The following CAPZA2 variants were observed in gnomAD, a reference collection of about 807,000 sequenced individuals.
CAPZA2 encodes the protein capping actin protein of muscle Z-line subunit alpha 2.
CAPZA2 carries 13 observed loss-of-function variants against 44.0 expected under a neutral mutation model. That is an observed-to-expected ratio of 0.30 (90% CI 0.19 to 0.47). The LOEUF (loss-of-function observed/expected upper bound fraction) is 0.47, where lower values mean the gene tolerates loss of function less well. Among genes scored for constraint, CAPZA2 ranks in the 20% least tolerant of loss-of-function variants. The pLI, the probability that CAPZA2 is intolerant of heterozygous loss-of-function variation, is 1.00. For missense variants in CAPZA2, 244 were observed against 338.6 expected (o/e 0.72, Z 2.19); for synonymous variants, 94 against 108.2 (o/e 0.87, Z 0.81).
At chr7:116,876,542 A>G (rs532606052) in intron 1 of CAPZA2, among the ~76,000 whole-genome samples, 2 of 152,314 alleles carry the variant, frequency 1.3e-5, no homozygotes, top group South Asian at 2.1e-4. Flanking sequence ...TGTTTAGACT[A>G]TATTTGCTTT....
chr7:116,901,919 GTATATA>G (rs1333321043), intron 4 of CAPZA2, among the ~76,000 whole-genome samples: 1 of 145,650 alleles, frequency 6.9e-6, no homozygotes, highest in Non-Finnish European at 1.5e-5. Flanking sequence ...GTGTATGTGT[GTATATA>G]TATATATGTA....
chr7:116,890,567 T>A (rs1434431522), intron 2 of CAPZA2, among the ~76,000 whole-genome samples: 1,260 of 15,070 alleles, frequency 0.084, 146 homozygotes, highest in Non-Finnish European at 0.11. Context: ...TATATATATA[T>A]ACACATATAT....
At chr7:116,876,146 A>C (rs896806571) in intron 1 of CAPZA2, 1 of 151,686 alleles carries the variant, frequency 6.6e-6, no homozygotes, top group East Asian at 2.0e-4. Flanking sequence ...GCTACTCAGG[A>C]GGCTGAGACA....
chr7:116,894,379 A>G (rs1036591409), intron 3 of CAPZA2, among the ~76,000 whole-genome samples: 1 of 143,526 alleles, frequency 7.0e-6, no homozygotes, highest in East Asian at 2.1e-4. Flanking sequence ...AAAAAAAAAA[A>G]TCTGACAGGG....
At chr7:116,904,809 T>C (rs963062042) in intron 5 of CAPZA2, 1 of 156,422 alleles carries the variant, frequency 6.4e-6, no homozygotes, top group African/African-American at 2.4e-5. Context: ...TGTGGTTCTT[T>C]CGTAGGTTCA....
intron 1 of CAPZA2, among the ~76,000 whole-genome samples, chr7:116,878,982 C>T (rs1796654533): frequency 6.6e-6 from 1 of 151,660 alleles, no homozygotes; most frequent in Non-Finnish European, 1.5e-5. Context: ...AAAAATTAGC[C>T]GGGCATGGTG....
chr7:116,870,572 T>G (rs1287296808), intron 1 of CAPZA2, among the ~76,000 whole-genome samples: 1 of 152,154 alleles, frequency 6.6e-6, no homozygotes, highest in African/African-American at 2.4e-5. Context: ...TTTAGCAACA[T>G]CCTTAGCCCA....
chr7:116,902,963 T>A (rs1797015562), intron 4 of CAPZA2, among the ~76,000 whole-genome samples: 1 of 152,148 alleles, frequency 6.6e-6, no homozygotes, highest in South Asian at 2.1e-4. Flanking sequence ...TCCTGCCCCC[T>A]TGGCCTCCCA....
At position 116,862,661 on chromosome 7, in the gene CAPZA2, C is replaced by CG; in HGVS notation, c.39+16dup. 6.5e-7 allele frequency: 1 copy of CG among 1,537,888 alleles called. No individual in the cohort carries two copies. Among genetic ancestry groups the CG allele is most frequent in the Non-Finnish European group, 8.8e-7 (1 of 1,141,058 alleles). ...TCTGATGAAGAGAAGGTAAGAGTCGCGGGGGCGACGGCGCGGGCTGTCAGG... is the reference window on the plus strand; with the variant it reads ...TCTGATGAAGAGAAGGTAAGAGTCGCGGGGGGCGACGGCGCGGGCTGTCAGG... On this transcript the variant is annotated intron_variant, in intron 1 of 9. Transcript: ENST00000361183.
At chr7:116,906,376 G>T (rs773941172) in intron 6 of CAPZA2, 34 bp downstream of exon 6, 2 of 1,606,966 alleles carry the variant, frequency 1.2e-6, no homozygotes, top group East Asian at 4.5e-5. Flanking sequence ...GGGAGTTTTG[G>T]CATTGTTTTA....
intron 4 of CAPZA2, among the ~76,000 whole-genome samples, chr7:116,901,991 T>A (rs188320707): frequency 1.4e-4 from 21 of 151,836 alleles, no homozygotes; most frequent in African/African-American, 5.1e-4. Flanking sequence ...TACCAGATAG[T>A]ACAAGTTGTT....
intron 1 of CAPZA2, 67 bp downstream of exon 1, chr7:116,862,717 AGTCTG>A: frequency 6.8e-7 from 1 of 1,476,722 alleles, no homozygotes; most frequent in Non-Finnish European, 9.1e-7. Context: ...GTGGGCCCGG[AGTCTG>A]GTCGCGGGGG....
intron 1 of CAPZA2, among the ~76,000 whole-genome samples, chr7:116,879,874 A>G (rs970822009): frequency 6.6e-6 from 1 of 152,146 alleles, no homozygotes; most frequent in African/African-American, 2.4e-5. Flanking sequence ...GATTTATTCA[A>G]CCTGTAATCA....
At chr7:116,907,934 T>C (rs1034966097) in intron 6 of CAPZA2, among the ~76,000 whole-genome samples, 1 of 152,144 alleles carries the variant, frequency 6.6e-6, no homozygotes, top group South Asian at 2.1e-4. Flanking sequence ...AGTGATAATA[T>C]CATGGCACAA....
Sources: allele counts gnomAD v4.1 joint callset (sites outside exome capture counted in the v4.1 genomes callset), GRCh38; gene constraint gnomAD v4.1.1; transcripts MANE v1.5; gene names NCBI Gene and HGNC (gene_info 2026-07-23, HGNC 2026-07-21).